Variants in TMEM117 observed in about 807,000 individuals in gnomAD.
The protein encoded by TMEM117 is transmembrane protein 117.
Under a neutral mutation model 52.4 loss-of-function variants are expected in TMEM117, and 27 were observed. The ratio of observed to expected loss-of-function variants is 0.51; its 90% CI spans 0.38 to 0.71. The LOEUF is 0.71. Among genes scored for constraint, TMEM117 ranks in the 30% least tolerant of loss-of-function variants. TMEM117 has a pLI of 0.00. For missense variants in TMEM117, 556 were observed against 630.5 expected (o/e 0.88, Z 1.26); for synonymous variants, 215 against 206.3 (o/e 1.04, Z -0.36).
At chr12:44,246,073 G>A (rs1223336510) in intron 5 of TMEM117, among the ~76,000 whole-genome samples, 2 of 151,946 alleles carry the variant, frequency 1.3e-5, no homozygotes, top group East Asian at 3.9e-4. Flanking sequence ...ATAAATATGA[G>A]AATTATAAGC....
rs987796106 is a variant in TMEM117 at position 44,031,118 on chromosome 12, T to G, written c.410+86776T>G. On this transcript the variant is annotated intron_variant, in intron 3 of 7. Transcript: ENST00000266534. Reference sequence around the variant, plus strand: ...AATGCAACAGTGACATTTGGCTTATTTGGTATAAAAATCATGCAGGTAGCA... The same window carrying G: ...AATGCAACAGTGACATTTGGCTTATGTGGTATAAAAATCATGCAGGTAGCA... Among the ~76,000 whole-genome samples the G allele has an allele frequency of 2.6e-5, 4 of 152,216 alleles. No individual in the cohort carries two copies. In the East Asian group the frequency reaches 7.7e-4, roughly 29 times the overall value.
upstream of TMEM117, among the ~76,000 whole-genome samples, chr12:43,835,410 G>A (rs1204808270): frequency 1.3e-5 from 2 of 152,162 alleles, no homozygotes; most frequent in Non-Finnish European, 2.9e-5. Flanking sequence ...GTGCTTATGT[G>A]TGTATACATA....
At chr12:44,272,231 A>C (rs1390592574) in intron 5 of TMEM117, among the ~76,000 whole-genome samples, 2 of 152,120 alleles carry the variant, frequency 1.3e-5, no homozygotes, top group African/African-American at 4.8e-5. Context: ...ATAACAAGTA[A>C]CAAGATCAAA....
intron 3 of TMEM117, among the ~76,000 whole-genome samples, chr12:44,133,263 G>A (rs1205601076): frequency 1.3e-5 from 2 of 152,200 alleles, no homozygotes; most frequent in Non-Finnish European, 2.9e-5. Context: ...AGGCTCTTTG[G>A]TGGGCATCAG....
At chr12:43,832,308 C>G (rs10880573), upstream of TMEM117, among the ~76,000 whole-genome samples, 45,293 of 152,118 alleles carry the variant, frequency 0.3, 10,434 homozygotes, top group African/African-American at 0.64. Flanking sequence ...CCTTTACTGA[C>G]TACCTATTAC....
intron 3 of TMEM117, among the ~76,000 whole-genome samples, chr12:43,999,289 CA>C (rs1380945491): frequency 1.3e-5 from 2 of 152,104 alleles, no homozygotes; most frequent in Non-Finnish European, 2.9e-5. Flanking sequence ...GTCATGCTTC[CA>C]AAAAGGTTTC....
chr12:44,105,421 AT>A (rs1383990978), intron 3 of TMEM117, among the ~76,000 whole-genome samples: 1 of 151,868 alleles, frequency 6.6e-6, no homozygotes, highest in Non-Finnish European at 1.5e-5. Flanking sequence ...CTTAAAGAAA[AT>A]TTCTGGCTTG....
intron 2 of TMEM117, among the ~76,000 whole-genome samples, chr12:43,883,568 G>A (rs57331385): frequency 0.062 from 9,391 of 152,250 alleles, 360 homozygotes; most frequent in Middle Eastern, 0.13. Context: ...TCAGGCTGAT[G>A]TAAGAATAGT....
chr12:43,909,664 C>A (rs953660199), intron 2 of TMEM117, among the ~76,000 whole-genome samples: 3 of 152,016 alleles, frequency 2.0e-5, no homozygotes, highest in Non-Finnish European at 2.9e-5. Context: ...AAGGAGATAT[C>A]ACCACTGCTC....
intron 2 of TMEM117, among the ~76,000 whole-genome samples, chr12:43,898,718 G>A (rs1944255225): frequency 6.6e-6 from 1 of 152,086 alleles, no homozygotes; most frequent in South Asian, 2.1e-4. Context: ...GTACAACACA[G>A]TAGTTAGTTG....
At chr12:44,212,434 G>C (rs1949658819) in intron 5 of TMEM117, among the ~76,000 whole-genome samples, 1 of 152,160 alleles carries the variant, frequency 6.6e-6, no homozygotes, top group South Asian at 2.1e-4. Flanking sequence ...GGCAATTTGG[G>C]TTAAGCCAAA....
the TMEM117 span, chr12:43,802,212 T>A: frequency 2.9e-6 from 3 of 1,024,996 alleles, no homozygotes; most frequent in Non-Finnish European, 4.1e-6. Context: ...TTTTTTAACC[T>A]TTATTTGACC....
At chr12:44,349,864 A>T (rs1951538411) in intron 6 of TMEM117, among the ~76,000 whole-genome samples, 1 of 152,034 alleles carries the variant, frequency 6.6e-6, no homozygotes, top group Non-Finnish European at 1.5e-5. Context: ...CCTTGCCTTC[A>T]AGTTACTCCA....
chr12:43,817,262 A>C, the TMEM117 span, among the ~76,000 whole-genome samples: 1 of 152,232 alleles, frequency 6.6e-6, no homozygotes. Flanking sequence ...CTGAAGGGAT[A>C]ATGAGCTAGT....
rs534677144 is a variant in TMEM117, at chr12:43,984,293, G to A, written c.410+39951G>A. Among the ~76,000 whole-genome samples the A allele has an allele frequency of 9.2e-5, 14 of 152,026 alleles. 1 individual carries two copies. Among genetic ancestry groups the A allele is most frequent in the South Asian group, 2.1e-4 (1 of 4,812 alleles). ...TGAGGCATGAGAATCGCTTAAACCC[G>A]GGATGTGGAGGTTTCAGTGAGCTGA... On this transcript the variant is annotated intron_variant, in intron 3 of 7. Transcript: ENST00000266534.
At chr12:44,211,859 A>AT (rs2138399325) in intron 5 of TMEM117, among the ~76,000 whole-genome samples, 1 of 152,342 alleles carries the variant, frequency 6.6e-6, no homozygotes, top group South Asian at 2.1e-4. Flanking sequence ...TGCAATTAAA[A>AT]AACAATCCAT....
intron 6 of TMEM117, among the ~76,000 whole-genome samples, chr12:44,305,025 T>TCCAG (rs1278392777): frequency 6.6e-6 from 1 of 152,132 alleles, no homozygotes; most frequent in East Asian, 1.9e-4. Flanking sequence ...GGTTCCTGAC[T>TCCAG]CCAGGCCTTG....
intron 5 of TMEM117, among the ~76,000 whole-genome samples, chr12:44,227,408 C>T (rs1949876958): frequency 6.6e-6 from 1 of 152,052 alleles, no homozygotes; most frequent in South Asian, 2.1e-4. Flanking sequence ...AGGCTGAAAT[C>T]ATGCCACTGC....
chr12:44,035,288 T>TC (rs1946693443), intron 3 of TMEM117, among the ~76,000 whole-genome samples: 1 of 152,256 alleles, frequency 6.6e-6, no homozygotes, highest in Admixed American at 6.5e-5. Context: ...GTCTCGTTTT[T>TC]CTCACCTGTG....
Sources: allele counts gnomAD v4.1 joint callset (sites outside exome capture counted in the v4.1 genomes callset), GRCh38; gene constraint gnomAD v4.1.1; transcripts MANE v1.5; gene names NCBI Gene and HGNC (gene_info 2026-07-23, HGNC 2026-07-21).